EFHD1: variants seen among roughly 807,000 people sequenced by gnomAD.
EFHD1 encodes EF-hand domain family member D1.
Under a neutral mutation model 17.2 loss-of-function variants are expected in EFHD1, and 10 were observed. The observed-to-expected ratio is 0.58, with a 90% CI of 0.36 to 0.99. The LOEUF is 0.99. EFHD1 is among the 50% of genes least tolerant of loss of function. The pLI, the probability that EFHD1 is intolerant of heterozygous loss-of-function variation, is 0.01. For missense variants in EFHD1, 310 were observed against 327.5 expected (o/e 0.95, Z 0.41); for synonymous variants, 153 against 142.0 (o/e 1.08, Z -0.55).
chr2:232,673,894 C>CT (rs1450252241), intron 3 of EFHD1, among the ~76,000 whole-genome samples: 1 of 148,918 alleles, frequency 6.7e-6, no homozygotes, highest in Non-Finnish European at 1.5e-5. Flanking sequence ...AATTCTACCT[C>CT]TTAAGACTTC....
In EFHD1 at chr2:232,650,553, CA is replaced by C. The variant is rs1694628594; in HGVS notation, c.303-12246del. On this transcript the variant is annotated intron_variant, in intron 1 of 3. Transcript: ENST00000264059. ...AGGTGATCCACCCGCCTCGGCCTCCCAAAGTGCTTTTTTTTTTTTTTTTTTT... is the reference window on the plus strand; with the variant it reads ...AGGTGATCCACCCGCCTCGGCCTCCCAAGTGCTTTTTTTTTTTTTTTTTTT... Among the ~76,000 whole-genome samples the C allele has an allele frequency of 2.4e-5, 2 of 82,364 alleles. 1 individual carries two copies. Among genetic ancestry groups the C allele is most frequent in the African/African-American group, 1.4e-4 (2 of 14,386 alleles). 54.0% of individuals were successfully genotyped at this position (82,364 alleles called of 152,430 possible).
chr2:232,653,194 A>G (rs533626266), intron 1 of EFHD1, among the ~76,000 whole-genome samples: 4 of 152,066 alleles, frequency 2.6e-5, no homozygotes, highest in Non-Finnish European at 4.4e-5. Flanking sequence ...GGGTTTTGCC[A>G]TGTTGGCCAG....
At chr2:232,681,096 C>T (rs1024838514) in intron 3 of EFHD1, among the ~76,000 whole-genome samples, 1 of 151,986 alleles carries the variant, frequency 6.6e-6, no homozygotes, top group Non-Finnish European at 1.5e-5. Context: ...ATGGAGATTG[C>T]AGTGAGCCAA....
chr2:232,664,210 C>T (rs1191489313), intron 2 of EFHD1, among the ~76,000 whole-genome samples: 1 of 152,054 alleles, frequency 6.6e-6, no homozygotes, highest in Non-Finnish European at 1.5e-5. Flanking sequence ...ATGATCACAG[C>T]TCACTGCAGC....
At chr2:232,625,426 G>A (rs911009026) in intron 1 of EFHD1, among the ~76,000 whole-genome samples, 3 of 151,860 alleles carry the variant, frequency 2.0e-5, no homozygotes, top group African/African-American at 4.8e-5. Flanking sequence ...CACCGTACCC[G>A]GTCTGACTTC....
At chr2:232,624,442 CCTGATTCT>C (rs1448678741) in intron 1 of EFHD1, among the ~76,000 whole-genome samples, 4 of 152,252 alleles carry the variant, frequency 2.6e-5, no homozygotes, top group East Asian at 3.8e-4. Flanking sequence ...ATTCTTGATG[CCTGATTCT>C]CTGATTCTCT....
At chr2:232,680,492 G>A (rs931557990) in intron 3 of EFHD1, among the ~76,000 whole-genome samples, 5 of 152,134 alleles carry the variant, frequency 3.3e-5, no homozygotes, top group Admixed American at 1.3e-4. Flanking sequence ...AATTGATTTA[G>A]TGAGCAACAT....
upstream of EFHD1, among the ~76,000 whole-genome samples, chr2:232,630,535 G>A (rs992483059): frequency 1.3e-5 from 2 of 152,168 alleles, no homozygotes; most frequent in African/African-American, 4.8e-5. Flanking sequence ...TGTGCCTTTT[G>A]AGAGGCACCA....
chr2:232,662,667 C>A, intron 1 of EFHD1, 135 bp from the exon 2 acceptor site: 1 of 1,172,426 alleles, frequency 8.5e-7, no homozygotes, highest in Non-Finnish European at 1.1e-6. Flanking sequence ...TCCTCTGGAG[C>A]AGGTGACCCA....
At chr2:232,654,206 CAA>C (rs929121448) in intron 1 of EFHD1, among the ~76,000 whole-genome samples, 21 of 82,598 alleles carry the variant, frequency 2.5e-4, no homozygotes, top group Admixed American at 4.3e-4. Context: ...GACTCCATCT[CAA>C]AAAAAAAAAA....
At chr2:232,662,780 A>G in intron 1 of EFHD1, 22 bp from the exon 2 acceptor site, 1 of 1,554,270 alleles carries the variant, frequency 6.4e-7, no homozygotes, top group Non-Finnish European at 8.6e-7. Context: ...CATCCCGGTC[A>G]TGCATTCCTT....
chr2:232,641,378 G>A (rs995648725), intron 1 of EFHD1, among the ~76,000 whole-genome samples: 1 of 152,180 alleles, frequency 6.6e-6, no homozygotes, highest in Non-Finnish European at 1.5e-5. Flanking sequence ...TTGCAAGGTG[G>A]TGAGCTGCTT....
At chr2:232,626,292 T>C (rs557357083) in intron 1 of EFHD1, among the ~76,000 whole-genome samples, 30 of 152,282 alleles carry the variant, frequency 2.0e-4, no homozygotes, top group African/African-American at 7.0e-4. Context: ...ACGCTTGCAA[T>C]CCCAGCACTT....
intron 1 of EFHD1, among the ~76,000 whole-genome samples, chr2:232,651,086 T>C (rs1218969871): frequency 6.6e-6 from 1 of 152,000 alleles, no homozygotes; most frequent in African/African-American, 2.4e-5. Context: ...AGGCCAAGCA[T>C]GTGGGGAGAA....
At chr2:232,647,277 G>A (rs1200487769) in intron 1 of EFHD1, among the ~76,000 whole-genome samples, 2 of 152,254 alleles carry the variant, frequency 1.3e-5, no homozygotes, top group Non-Finnish European at 2.9e-5. Context: ...TGGGTGGAGA[G>A]GAAATGTCGA....
rs895407406 is a variant in EFHD1 at position 232,634,069 on chromosome 2, T to C, written c.302+63T>C. 17 of 1,582,788 alleles carry C rather than the reference T, an allele frequency of 1.1e-5. No individual in the cohort carries two copies. The African/African-American group carries it at 2.0e-4, about 19-fold the overall frequency. ...GGGAGGGAGCGGGAGGGCTTTCTGG[T>C]CCGAAGTCCCGGGCCCTGTTTGTGT... On this transcript the variant is annotated intron_variant, in intron 1 of 3. Coordinates refer to ENST00000264059, the MANE Select transcript of EFHD1 (RefSeq NM_025202.4).
intron 1 of EFHD1, among the ~76,000 whole-genome samples, chr2:232,616,388 T>C (rs938396047): frequency 1.3e-5 from 2 of 151,784 alleles, no homozygotes; most frequent in Non-Finnish European, 1.5e-5. Context: ...AACCTCCGCC[T>C]CCCGGGTTCA....
Position 232,681,921 on chromosome 2 carries a change from G to T in EFHD1, c.*202G>T, listed in dbSNP as rs1208547778. 18 of 663,218 alleles carry T rather than the reference G, an allele frequency of 2.7e-5. No homozygotes were observed. Among genetic ancestry groups the T allele is most frequent in the Non-Finnish European group, 4.1e-5 (17 of 416,856 alleles). 41.1% of individuals were successfully genotyped at this position (663,218 alleles called of 1,614,324 possible). Reference sequence around the variant, plus strand: ...GGGTCCTGGGGTGGGCCAGATGCCTGCCCACCTCTGTCTCCTGCCTCTGCT... The same window carrying T: ...GGGTCCTGGGGTGGGCCAGATGCCTTCCCACCTCTGTCTCCTGCCTCTGCT... On this transcript the variant is annotated 3_prime_UTR_variant, in exon 4 of 4. Transcript: ENST00000264059.
Position 232,681,723 on chromosome 2 carries a change from T to G in EFHD1, c.*4T>G. The G allele has an allele frequency of 6.2e-7, 1 of 1,613,442 alleles. No individual in the cohort carries two copies. The highest frequency in any genetic ancestry group is 1.1e-5 in the South Asian group (1 of 90,930). On this transcript the variant is annotated 3_prime_UTR_variant, in exon 4 of 4. Coordinates refer to ENST00000264059, the MANE Select transcript of EFHD1 (RefSeq NM_025202.4). Reference sequence around the variant, plus strand: ...CAAGGCCAACTTCAATACATAGTCCTGCTGACCTTGCCCTCTGCCCACAGC... The same window carrying G: ...CAAGGCCAACTTCAATACATAGTCCGGCTGACCTTGCCCTCTGCCCACAGC...
Sources: gnomAD v4.1 joint callset for allele counts (sites outside exome capture counted in the v4.1 genomes callset) on GRCh38, gnomAD v4.1.1 for gene constraint, MANE v1.5 for transcripts, NCBI Gene and HGNC (gene_info 2026-07-23, HGNC 2026-07-21) for gene names.